Variants in PRDM12 observed in about 807,000 individuals in gnomAD.
The protein encoded by PRDM12 is PR/SET domain 12.
Under a neutral mutation model 29.6 loss-of-function variants are expected in PRDM12, and 17 were observed. That is an observed-to-expected ratio of 0.57 (90% confidence interval 0.39 to 0.86). PRDM12 has a LOEUF of 0.86. Ranked by LOEUF, PRDM12 falls within the 40% of genes least tolerant of loss-of-function variation. The probability of loss-of-function intolerance (pLI) is 0.00; values close to 1 mark genes in which losing one functional copy is unlikely to be tolerated. For missense variants in PRDM12, 422 were observed against 510.8 expected, an observed-to-expected ratio of 0.83 and a Z score of 1.68; for synonymous variants, 231 against 225.8, an observed-to-expected ratio of 1.02 and a Z score of -0.21.
intron 3 of PRDM12, 149 bp from the exon 4 acceptor site, chr9:130,678,380 G>A (rs930808443): frequency 1.8e-5 from 11 of 600,844 alleles, no homozygotes; most frequent in African/African-American, 5.7e-5. Flanking sequence ...GCAGCTTCCC[G>A]GGACAGCTCA....
chr9:130,678,758 T>C (rs925203093), intron 4 of PRDM12, 118 bp downstream of exon 4: 46 of 786,482 alleles, frequency 5.8e-5, no homozygotes, highest in Middle Eastern at 2.6e-4. Flanking sequence ...CTTGGTTCAA[T>C]GTCTGGCAGC....
intron 3 of PRDM12, among the ~76,000 whole-genome samples, chr9:130,671,869 C>T (rs1360547894): frequency 2.6e-5 from 4 of 152,344 alleles, no homozygotes; most frequent in African/African-American, 9.6e-5. Context: ...ATAACGGTAA[C>T]CCATTACTTA....
Position 130,681,605 on chromosome 9 carries a change from T to TCGCCGCCGA in PRDM12, c.1048_1049insACGCCGCCG (p.Ala349_Ala350insAspAlaAla), listed in dbSNP as rs1830903501. The TCGCCGCCGA allele has an allele frequency of 1.1e-6, 1 of 933,520 alleles. No individual in the cohort carries two copies. The highest frequency in any genetic ancestry group is 1.9e-5 in the African/African-American group (1 of 53,662). 57.8% of individuals were successfully genotyped at this position (933,520 alleles called of 1,614,324 possible). Reference sequence around the variant, plus strand: ...GCCCCGCACGCGCACGCGCCCGCGCTCGCCGCCGCCGCCGCCGCCGCCGCC... The same window carrying TCGCCGCCGA: ...GCCCCGCACGCGCACGCGCCCGCGCTCGCCGCCGACGCCGCCGCCGCCGCCGCCGCCGCC... On this transcript the variant is annotated inframe_insertion, in exon 5 of 5. Coordinates refer to ENST00000253008, the MANE Select transcript of PRDM12 (RefSeq NM_021619.3). The surrounding 1 kb of genome is among the most constrained non-coding windows in gnomAD (Gnocchi z 8.1).
Position 130,681,451 on chromosome 9 carries a change from G to T in PRDM12, c.886G>T (p.Glu296Ter). ...LRNHVRLHTG[E>*]RPYKCQVCQS... ...CAACCACGTGCGCCTGCACACGGGC[G>T]AGCGCCCCTACAAGTGCCAGGTGTG... The change falls in exon 5 of 5, where the codon GAG (glutamate) becomes TAG (stop). Residue 296 changes from glutamate (E) to a stop codon, truncating the protein, a stop_gained. Coordinates refer to ENST00000253008, the MANE Select transcript of PRDM12 (RefSeq NM_021619.3). LOFTEE classifies it high-confidence loss of function. The surrounding 1 kb of genome is among the most constrained non-coding windows in gnomAD (Gnocchi z 8.1). 1 of 1,587,632 alleles carries T rather than the reference G, an allele frequency of 6.3e-7. No homozygotes were observed. Among genetic ancestry groups the T allele is most frequent in the Non-Finnish European group, 8.5e-7 (1 of 1,171,660 alleles).
chr9:130,679,867 G>C (rs940458026), intron 4 of PRDM12, among the ~76,000 whole-genome samples: 4 of 151,346 alleles, frequency 2.6e-5, no homozygotes, highest in South Asian at 2.1e-4. Context: ...TCGCCATGTT[G>C]CCCAGCTGGT....
In PRDM12 at chr9:130,681,396, C is replaced by G. The variant is rs995100590; in HGVS notation, c.831C>G (p.Asn277Lys). 6 of 1,595,354 alleles carry G rather than the reference C, an allele frequency of 3.8e-6. No individual in the cohort carries two copies. The highest frequency in any genetic ancestry group is 5.1e-6 in the Non-Finnish European group (6 of 1,172,746). ...LDKPFVCRFC[N>K]RRFSQSSTLR... Reference sequence around the variant, plus strand: ...AGCCCTTCGTGTGCCGCTTCTGCAACCGCCGCTTCAGCCAGTCGTCCACGC... The same window carrying G: ...AGCCCTTCGTGTGCCGCTTCTGCAAGCGCCGCTTCAGCCAGTCGTCCACGC... Residue 277 changes from asparagine (N) to lysine (K), a missense_variant, in exon 5 of 5, where the codon AAC becomes AAG. By Grantham distance (94) the Asn-to-Lys change is moderately conservative. This residue lies in a region of PRDM12 where 28 missense variants were observed against 18.3 expected (regional missense o/e 1.53). Transcript: ENST00000253008. This position sits in a 1 kb window ranked among gnomAD's most constrained non-coding sequence, Gnocchi z 8.1.
Position 130,664,900 on chromosome 9 carries a change from G to A in PRDM12, c.223+24G>A. On this transcript the variant is annotated intron_variant, in intron 1 of 4. Transcript: ENST00000253008. The surrounding 1 kb of genome is among the most constrained non-coding windows in gnomAD (Gnocchi z 6.4). Reference sequence around the variant, plus strand: ...CGGTGAGTCCAGCCGTCGGAGCCCGGCGCAATCCCTCCTCCCGGCGACCCC... The same window carrying A: ...CGGTGAGTCCAGCCGTCGGAGCCCGACGCAATCCCTCCTCCCGGCGACCCC... The A allele has an allele frequency of 1.3e-6, 2 of 1,505,672 alleles. No individual in the cohort carries two copies. The highest frequency in any genetic ancestry group is 1.8e-6 in the Non-Finnish European group (2 of 1,122,138). The allele number at this position is 1,505,672 out of a possible 1,614,324, so 93.3% of individuals were successfully genotyped here.
chr9:130,664,626 CCCGGCGCCGGGGAGCTCCGGG>C lies in PRDM12; in HGVS notation c.-24_-4del. ...ACCTCCCCCGTCGGCCCGGCCGTCC[CCCGGCGCCGGGGAGCTCCGGG>C]CCGCCCATGATGGGCTCCGTGCTCC... On this transcript the variant is annotated 5_prime_UTR_variant, in exon 1 of 5. Transcript: ENST00000253008. This position sits in a 1 kb window ranked among gnomAD's most constrained non-coding sequence, Gnocchi z 6.4. 1 of 1,508,644 alleles carries C rather than the reference CCCGGCGCCGGGGAGCTCCGGG, an allele frequency of 6.6e-7. No homozygotes were observed. The highest frequency in any genetic ancestry group is 8.8e-7 in the Non-Finnish European group (1 of 1,133,216). The allele number at this position is 1,508,644 out of a possible 1,614,324, so 93.5% of individuals were successfully genotyped here.
At position 130,682,806 on chromosome 9, in the gene PRDM12, T is replaced by A. The variant is rs1049765567; in HGVS notation, c.*1137T>A. The A allele has an allele frequency of 1.3e-5, 2 of 152,658 alleles. No homozygotes were observed. The highest frequency in any genetic ancestry group is 3.8e-4 in the East Asian group (2 of 5,206). The allele number at this position is 152,658 out of a possible 1,614,324, so 9.5% of individuals were successfully genotyped here. A position where few individuals can be genotyped will look rare whatever the true frequency, so the allele number is the denominator to read the frequency against. ...ATATTAATGAAAAGTATAAAATGTA[T>A]AGAGTTTTCAAGAAACTGCGTTCTA... On this transcript the variant is annotated 3_prime_UTR_variant, in exon 5 of 5. Coordinates refer to ENST00000253008, the MANE Select transcript of PRDM12 (RefSeq NM_021619.3). This position sits in a 1 kb window ranked among gnomAD's most constrained non-coding sequence, Gnocchi z 4.2.
intron 2 of PRDM12, 77 bp downstream of exon 2, chr9:130,666,875 C>G (rs1564244581): frequency 6.7e-7 from 1 of 1,496,032 alleles, no homozygotes; most frequent in Non-Finnish European, 8.9e-7. Flanking sequence ...GGCGTCCGGC[C>G]GTCGCCGCTT....
intron 3 of PRDM12, among the ~76,000 whole-genome samples, chr9:130,677,516 G>A (rs532476934): frequency 8.5e-5 from 13 of 152,370 alleles, no homozygotes; most frequent in African/African-American, 2.9e-4. Context: ...GGGTGTCTGG[G>A]TTTCTCTGGG....
intron 2 of PRDM12, among the ~76,000 whole-genome samples, chr9:130,667,706 G>A (rs530784152): frequency 1.8e-4 from 27 of 152,158 alleles, no homozygotes; most frequent in Non-Finnish European, 2.5e-4. Context: ...GGCAGCTCCC[G>A]TGAAGGGGTT....
intron 3 of PRDM12, among the ~76,000 whole-genome samples, chr9:130,671,374 G>GACACACACACACAC (rs56920587): frequency 3.7e-5 from 5 of 135,644 alleles, no homozygotes; most frequent in Non-Finnish European, 6.4e-5. Context: ...AGAGGATCAG[G>GACACACACACACAC]ACACACACAC....
Position 130,682,441 on chromosome 9 carries a change from C to G in PRDM12, c.*772C>G, listed in dbSNP as rs1420951963. On this transcript the variant is annotated 3_prime_UTR_variant, in exon 5 of 5. Transcript: ENST00000253008. The surrounding 1 kb of genome is among the most constrained non-coding windows in gnomAD (Gnocchi z 4.2). ...GCACCTCTTTGGGCCTCAGTTTCCCCATCTGTAAAATGAAGGAGTTGGACC... is the reference window on the plus strand; with the variant it reads ...GCACCTCTTTGGGCCTCAGTTTCCCGATCTGTAAAATGAAGGAGTTGGACC... 1 of 152,456 alleles carries G rather than the reference C, an allele frequency of 6.6e-6. No individual in the cohort carries two copies. The highest frequency in any genetic ancestry group is 1.9e-4 in the East Asian group (1 of 5,202). The allele number at this position is 152,456 out of a possible 1,614,324, so 9.4% of individuals were successfully genotyped here. A position where few individuals can be genotyped will look rare whatever the true frequency, so the allele number is the denominator to read the frequency against.
At chr9:130,679,806 G>A (rs929808875) in intron 4 of PRDM12, among the ~76,000 whole-genome samples, 15 of 151,988 alleles carry the variant, frequency 9.9e-5, no homozygotes, top group East Asian at 5.9e-4. Flanking sequence ...GACCACAGTC[G>A]TGCACCACCA....
At chr9:130,680,729 C>T (rs1295796904) in intron 4 of PRDM12, among the ~76,000 whole-genome samples, 1 of 144,714 alleles carries the variant, frequency 6.9e-6, no homozygotes, top group African/African-American at 2.6e-5. Flanking sequence ...AAAACCGAGG[C>T]GCAGTTCCAT....
Position 130,666,627 on chromosome 9 carries a change from C to A in PRDM12, c.243C>A (p.Ser81Arg). The A allele has an allele frequency of 6.2e-7, 1 of 1,611,628 alleles. No homozygotes were observed. Among genetic ancestry groups the A allele is most frequent in the Non-Finnish European group, 8.5e-7 (1 of 1,179,198 alleles). Residue 81 changes from serine (S) to arginine (R), a missense_variant, in exon 2 of 5, where the codon AGC (serine) becomes AGA (arginine). This residue lies in a region of PRDM12 where 300 missense variants were observed against 350.0 expected (regional missense o/e 0.86). Transcript: ENST00000253008. ...SFSGEVQKLS[S>R]LVLPAEVIIA... ...CCGCAGAAGTGCAGAAGCTGTCCAG[C>A]CTGGTGCTGCCTGCGGAGGTGATCA...
At position 130,664,645 on chromosome 9, in the gene PRDM12, G is replaced by A. The variant is rs1396871046; in HGVS notation, c.-9G>A. ...CCGTCCCCCGGCGCCGGGGAGCTCC[G>A]GGCCGCCCATGATGGGCTCCGTGCT... On this transcript the variant is annotated 5_prime_UTR_variant, in exon 1 of 5. Transcript: ENST00000253008. The surrounding 1 kb of genome is among the most constrained non-coding windows in gnomAD (Gnocchi z 6.4). The A allele has an allele frequency of 7.7e-6, 11 of 1,425,766 alleles. 1 individual carries two copies. Among genetic ancestry groups the A allele is most frequent in the Middle Eastern group, 2.7e-4 (1 of 3,678 alleles). The allele number at this position is 1,425,766 out of a possible 1,614,324, so 88.3% of individuals were successfully genotyped here.
intron 4 of PRDM12, among the ~76,000 whole-genome samples, chr9:130,680,659 A>ATATATATATTT: frequency 8.7e-4 from 63 of 72,160 alleles, no homozygotes; most frequent in African/African-American, 4.0e-3. Context: ...ATATATATAT[A>ATATATATATTT]TTTTTTTTTT....
Sources: gnomAD v4.1 joint callset for allele counts (sites outside exome capture counted in the v4.1 genomes callset) on GRCh38, gnomAD v4.1.1 for gene constraint, gnomAD v4.1.1 regional missense constraint, Gnocchi (gnomAD v3.1) non-coding constraint, MANE v1.5 for transcripts, NCBI Gene and HGNC (gene_info 2026-07-23, HGNC 2026-07-21) for gene names.